The following RTL4 variants were observed in gnomAD, a reference collection of about 807,000 sequenced individuals.
The protein encoded by RTL4 is retrotransposon Gag-like protein 4.
In RTL4, 4 loss-of-function variants were observed where a neutral mutation model predicts 5.3. The observed-to-expected ratio is 0.75, with a 90% CI of 0.37 to 1.72. RTL4 has a LOEUF of 1.72. Among genes scored for constraint, RTL4 ranks in the 40% most tolerant of loss-of-function variants. The pLI is 0.04. For synonymous variants in RTL4, 98 were observed against 87.3 expected, an observed-to-expected ratio of 1.12 and a Z score of -0.68; for missense variants, 260 against 227.1, an observed-to-expected ratio of 1.14 and a Z score of -0.93.
chrX:112,327,317 T>C, the RTL4 span, among the ~76,000 whole-genome samples: 2 of 111,834 alleles, frequency 1.8e-5, no homozygotes, highest in East Asian at 5.6e-4. Context: ...TTAAAGGAGC[T>C]GATGGAGCTG....
the RTL4 span, among the ~76,000 whole-genome samples, chrX:112,426,457 A>G: frequency 1.8e-5 from 2 of 111,754 alleles, no homozygotes; most frequent in African/African-American, 6.5e-5. Flanking sequence ...TACATAGATC[A>G]AGTTGGAAAG....
the RTL4 span, among the ~76,000 whole-genome samples, chrX:112,449,057 G>A: frequency 0.01 from 1,173 of 111,931 alleles, 5 homozygotes; most frequent in Middle Eastern, 0.032. Flanking sequence ...GCTAGGCCAT[G>A]GGTCCAGCTG....
At chrX:112,282,153 A>T in the RTL4 span, among the ~76,000 whole-genome samples, 22 of 111,929 alleles carry the variant, frequency 2.0e-4, no homozygotes, top group African/African-American at 6.8e-4. Context: ...TTTTGACTTG[A>T]TTTTGTAGAT....
the RTL4 span, among the ~76,000 whole-genome samples, chrX:112,241,678 G>A: frequency 8.9e-6 from 1 of 111,934 alleles, no homozygotes; most frequent in East Asian, 2.8e-4. Flanking sequence ...CTCTTTTGCT[G>A]TGGAGAAGCT....
the RTL4 span, among the ~76,000 whole-genome samples, chrX:112,338,259 A>G: frequency 8.9e-6 from 1 of 111,818 alleles, no homozygotes; most frequent in African/African-American, 3.3e-5. Context: ...TTTGGTTCAG[A>G]AAAACAAATA....
At chrX:112,360,547 A>T in the RTL4 span, among the ~76,000 whole-genome samples, 4 of 105,823 alleles carry the variant, frequency 3.8e-5, no homozygotes, top group Middle Eastern at 4.8e-3. Context: ...TAGCGTTTAA[A>T]TTTTTTTTTT....
chrX:112,381,141 A>G, the RTL4 span, among the ~76,000 whole-genome samples: 1 of 110,568 alleles, frequency 9.0e-6, no homozygotes. Flanking sequence ...AGCTTTCCGC[A>G]CTTGCACATT....
the RTL4 span, among the ~76,000 whole-genome samples, chrX:112,446,811 G>T: frequency 3.6e-5 from 4 of 111,770 alleles, no homozygotes; most frequent in African/African-American, 1.3e-4. Context: ...TCGCTCCATT[G>T]CACTTCACCT....
At chrX:112,279,052 A>G in the RTL4 span, among the ~76,000 whole-genome samples, 1 of 111,255 alleles carries the variant, frequency 9.0e-6, no homozygotes, top group Non-Finnish European at 1.9e-5. Context: ...GATGGAAAAT[A>G]AGAGAGAAAA....
chrX:112,411,657 T>C, the RTL4 span, among the ~76,000 whole-genome samples: 3 of 110,831 alleles, frequency 2.7e-5, no homozygotes, highest in Non-Finnish European at 5.7e-5. Context: ...TCGGTATCTC[T>C]CCATAATAAA....
chrX:112,192,531 T>A, the RTL4 span, among the ~76,000 whole-genome samples: 1 of 111,771 alleles, frequency 8.9e-6, no homozygotes, highest in Non-Finnish European at 1.9e-5. Context: ...GTTTTTCTTA[T>A]GTTTTTGTGT....
chrX:112,278,876 G>A, the RTL4 span, among the ~76,000 whole-genome samples: 6 of 111,323 alleles, frequency 5.4e-5, no homozygotes, highest in East Asian at 8.5e-4. Context: ...TAAAATTTGC[G>A]TTGAATTTAT....
chrX:112,134,772 A>G, the RTL4 span, among the ~76,000 whole-genome samples: 1 of 111,836 alleles, frequency 8.9e-6, no homozygotes. Flanking sequence ...ACTAGTTTAT[A>G]TTTCCTAGAT....
the RTL4 span, among the ~76,000 whole-genome samples, chrX:112,434,370 A>T: frequency 4.6e-5 from 5 of 109,676 alleles, no homozygotes; most frequent in Non-Finnish European, 9.5e-5. Flanking sequence ...TCCTGGACTC[A>T]TTTTGGTTGG....
At chrX:112,167,674 G>GT in the RTL4 span, among the ~76,000 whole-genome samples, 6,692 of 99,819 alleles carry the variant, frequency 0.067, 493 homozygotes, top group African/African-American at 0.21. Context: ...TAAGTGAGGT[G>GT]TTTTTTTTTT....
chrX:112,259,844 T>A, the RTL4 span, among the ~76,000 whole-genome samples: 2 of 112,031 alleles, frequency 1.8e-5, no homozygotes, highest in East Asian at 2.8e-4. Flanking sequence ...TAATATATTT[T>A]CTTCATACCC....
the RTL4 span, among the ~76,000 whole-genome samples, chrX:112,210,200 T>C: frequency 3.6e-5 from 4 of 112,270 alleles, no homozygotes; most frequent in African/African-American, 1.3e-4. Flanking sequence ...CTTAAATACT[T>C]TCTCCTTGCC....
exon 1 of RTL4, chrX:112,455,566 T>C: frequency 8.3e-7 from 1 of 1,211,759 alleles, no homozygotes; most frequent in South Asian, 1.8e-5. Flanking sequence ...AACTCAGTTG[T>C]GCCTCTACTG....
At chrX:112,425,203 C>T in the RTL4 span, among the ~76,000 whole-genome samples, 1 of 111,193 alleles carries the variant, frequency 9.0e-6, no homozygotes, top group East Asian at 2.8e-4. Flanking sequence ...TTTAGATTGA[C>T]TTCTTGCACT....
Sources: allele counts gnomAD v4.1 joint callset (sites outside exome capture counted in the v4.1 genomes callset), GRCh38; gene constraint gnomAD v4.1.1; transcripts MANE v1.5; gene names NCBI Gene and HGNC (gene_info 2026-07-23, HGNC 2026-07-21).